The following CDK14 variants were observed in gnomAD, a reference collection of about 807,000 sequenced individuals.
CDK14 encodes cyclin-dependent kinase 14.
Under a neutral mutation model 60.7 loss-of-function variants are expected in CDK14, and 34 were observed. That is an observed-to-expected ratio of 0.56 (90% CI 0.43 to 0.75). CDK14 has a LOEUF of 0.75. CDK14 is among the 30% of genes least tolerant of loss of function. The probability of loss-of-function intolerance (pLI) is 0.00; values close to 1 mark genes in which losing one functional copy is unlikely to be tolerated. For synonymous variants in CDK14, 197 were observed against 203.7 expected (o/e 0.97, Z 0.28); for missense variants, 482 against 564.1 (o/e 0.85, Z 1.47).
At chr7:90,609,439 G>A (rs117042665) in intron 2 of CDK14, among the ~76,000 whole-genome samples, 1,737 of 152,196 alleles carry the variant, frequency 0.011, 11 homozygotes, top group Non-Finnish European at 0.019. Context: ...TTGTGGGGGT[G>A]GATCCTTCTT....
chr7:91,149,492 C>T (rs1429026712), intron 14 of CDK14, among the ~76,000 whole-genome samples: 1 of 152,164 alleles, frequency 6.6e-6, no homozygotes, highest in Admixed American at 6.5e-5. Context: ...AGCTCTCTCT[C>T]TGTTAACATG....
At chr7:91,046,578 A>G (rs1278033555) in intron 11 of CDK14, among the ~76,000 whole-genome samples, 1 of 152,170 alleles carries the variant, frequency 6.6e-6, no homozygotes, top group East Asian at 1.9e-4. Flanking sequence ...CACTTAACAG[A>G]TGAATCTCAA....
chr7:91,186,585 T>A (rs1015880204), intron 14 of CDK14, among the ~76,000 whole-genome samples: 9 of 152,046 alleles, frequency 5.9e-5, no homozygotes, highest in African/African-American at 2.2e-4. Context: ...CTTCCAAGTT[T>A]ATGGTAAAGT....
chr7:90,617,834 C>T (rs543442254), intron 2 of CDK14, among the ~76,000 whole-genome samples: 1 of 152,160 alleles, frequency 6.6e-6, no homozygotes, highest in Non-Finnish European at 1.5e-5. Context: ...GACATGAGGG[C>T]TCTGTAGTCA....
chr7:91,044,132 A>G (rs1043935476), intron 10 of CDK14, among the ~76,000 whole-genome samples: 8 of 151,976 alleles, frequency 5.3e-5, no homozygotes, highest in African/African-American at 1.9e-4. Context: ...ACATGTGCCC[A>G]AGGTTGTCAG....
At chr7:90,887,426 T>G (rs1451658983) in intron 6 of CDK14, among the ~76,000 whole-genome samples, 1 of 152,222 alleles carries the variant, frequency 6.6e-6, no homozygotes. Context: ...TTTCATCATA[T>G]GTAGCAAACA....
At chr7:90,613,904 A>G (rs903543258) in intron 2 of CDK14, among the ~76,000 whole-genome samples, 5 of 151,986 alleles carry the variant, frequency 3.3e-5, no homozygotes, top group African/African-American at 1.2e-4. Context: ...AACCATAGCA[A>G]TCATTGAAAT....
intron 10 of CDK14, among the ~76,000 whole-genome samples, chr7:90,985,823 T>C (rs1194055225): frequency 6.6e-6 from 1 of 152,196 alleles, no homozygotes. Flanking sequence ...TGTTGTCCTG[T>C]TGGTTTTGTT....
chr7:90,823,319 T>A (rs1330564784), intron 5 of CDK14, among the ~76,000 whole-genome samples: 1 of 152,238 alleles, frequency 6.6e-6, no homozygotes, highest in East Asian at 1.9e-4. Context: ...ATAGTTGATT[T>A]TGAGTTTCGT....
chr7:91,128,239 T>C (rs1209966420), intron 14 of CDK14, among the ~76,000 whole-genome samples: 4 of 152,324 alleles, frequency 2.6e-5, no homozygotes, highest in Non-Finnish European at 5.9e-5. Context: ...CAGACTGCTG[T>C]GTAATGTGAA....
intron 8 of CDK14, among the ~76,000 whole-genome samples, chr7:90,951,587 A>G (rs565444471): frequency 6.6e-6 from 1 of 152,306 alleles, no homozygotes; most frequent in East Asian, 1.9e-4. Flanking sequence ...CCATAGAGTT[A>G]AAGAGATTGC....
At chr7:91,021,414 G>A (rs1384371172) in intron 10 of CDK14, among the ~76,000 whole-genome samples, 1 of 152,190 alleles carries the variant, frequency 6.6e-6, no homozygotes, top group Non-Finnish European at 1.5e-5. Flanking sequence ...GACAATGCCT[G>A]CTGCATAGAA....
chr7:91,206,862 A>G (rs1355345087), intron 14 of CDK14, among the ~76,000 whole-genome samples: 3 of 152,248 alleles, frequency 2.0e-5, no homozygotes, highest in Non-Finnish European at 2.9e-5. Flanking sequence ...CTAATGATTT[A>G]GGGAAGGAAA....
chr7:91,023,838 T>A (rs963670872), intron 10 of CDK14, among the ~76,000 whole-genome samples: 9 of 152,158 alleles, frequency 5.9e-5, no homozygotes, highest in African/African-American at 1.9e-4. Context: ...AATGGCTCGA[T>A]CTTAGCTCAC....
At chr7:90,820,986 G>C (rs763170270) in intron 5 of CDK14, among the ~76,000 whole-genome samples, 1 of 152,150 alleles carries the variant, frequency 6.6e-6, no homozygotes, top group Non-Finnish European at 1.5e-5. Flanking sequence ...TGTTTGTAGA[G>C]TTTTCATCAA....
chr7:90,804,599 G>T (rs1472765781), intron 5 of CDK14, among the ~76,000 whole-genome samples: 2 of 151,952 alleles, frequency 1.3e-5, no homozygotes, highest in Non-Finnish European at 2.9e-5. Flanking sequence ...TAATCTGATG[G>T]GTGTCTGCCA....
chr7:90,920,758 T>G (rs2067331951), intron 8 of CDK14, among the ~76,000 whole-genome samples: 1 of 152,224 alleles, frequency 6.6e-6, no homozygotes, highest in Admixed American at 6.5e-5. Flanking sequence ...GGTACAAAAA[T>G]ATGCATCACA....
intron 10 of CDK14, among the ~76,000 whole-genome samples, chr7:91,009,407 C>G (rs904295926): frequency 2.0e-5 from 3 of 152,146 alleles, no homozygotes; most frequent in African/African-American, 7.2e-5. Context: ...AAAGCTCAAT[C>G]AATACGGTGG....
chr7:91,161,091 T>C (rs1270821159), intron 14 of CDK14, among the ~76,000 whole-genome samples: 3 of 152,224 alleles, frequency 2.0e-5, no homozygotes, highest in Non-Finnish European at 4.4e-5. Flanking sequence ...GAAAGAGATA[T>C]GGGCAATTGG....
Sources: gnomAD v4.1 joint callset for allele counts (sites outside exome capture counted in the v4.1 genomes callset) on GRCh38, gnomAD v4.1.1 for gene constraint, MANE v1.5 for transcripts, NCBI Gene and HGNC (gene_info 2026-07-23, HGNC 2026-07-21) for gene names.